The following L3MBTL1 variants were observed in gnomAD, a reference collection of about 807,000 sequenced individuals.
The protein encoded by L3MBTL1 is lethal(3)malignant brain tumor-like protein 1.
A neutral mutation model predicts 105.3 loss-of-function variants in L3MBTL1; 75 were observed. That is an observed-to-expected ratio of 0.71 (90% CI 0.59 to 0.86). The LOEUF (loss-of-function observed/expected upper bound fraction) is 0.86, where lower values mean the gene tolerates loss of function less well. Ranked by LOEUF, L3MBTL1 falls within the 40% of genes least tolerant of loss-of-function variation. L3MBTL1 has a pLI of 0.00. For missense variants in L3MBTL1, 1,069 were observed against 1,126.4 expected, an observed-to-expected ratio of 0.95 and a Z score of 0.73; for synonymous variants, 452 against 436.2, an observed-to-expected ratio of 1.04 and a Z score of -0.45.
intron 20 of L3MBTL1, 49 bp from the exon 21 acceptor site, chr20:43,540,704 C>G: frequency 6.3e-7 from 1 of 1,581,872 alleles, no homozygotes; most frequent in Non-Finnish European, 8.7e-7. Flanking sequence ...GCTCTCCCTA[C>G]ATGCCTAAGC....
In L3MBTL1 at chr20:43,521,357, C is replaced by A. The variant is rs546191935; in HGVS notation, c.862+5180C>A. Reference sequence around the variant, plus strand: ...GCCATTAATTTTTTAATTATCTATACTGAGATAACTGAAAGTATGCTGAAG... The same window carrying A: ...GCCATTAATTTTTTAATTATCTATAATGAGATAACTGAAAGTATGCTGAAG... On this transcript the variant is annotated intron_variant, in intron 7 of 21. Transcript: ENST00000418998. Among the ~76,000 whole-genome samples, 5 of 152,178 alleles carry A rather than the reference C, an allele frequency of 3.3e-5. No homozygotes were observed. In the South Asian group the frequency reaches 1.0e-3, roughly 32 times the overall value.
chr20:43,519,015 G>A lies in L3MBTL1; in HGVS notation c.862+2838G>A, dbSNP rs2018562347. Among the ~76,000 whole-genome samples, 3 of 148,556 alleles carry A rather than the reference G, an allele frequency of 2.0e-5. No homozygotes were observed. The South Asian group carries it at 6.4e-4, about 32-fold the overall frequency. On this transcript the variant is annotated intron_variant, in intron 7 of 21. Coordinates refer to ENST00000418998, the MANE Select transcript of L3MBTL1 (RefSeq NM_001377303.1). ...CACTCCAACCTAGGCAACAGACCAAGACTCTGTCTCAGGGGGAAAAAAAAG... is the reference window on the plus strand; with the variant it reads ...CACTCCAACCTAGGCAACAGACCAAAACTCTGTCTCAGGGGGAAAAAAAAG...
intron 7 of L3MBTL1, 89 bp from the exon 8 acceptor site, chr20:43,528,568 G>C: frequency 1.1e-6 from 1 of 908,276 alleles, no homozygotes; most frequent in Non-Finnish European, 1.8e-6. Context: ...TTGTTTTGGG[G>C]GTGAAGGTAG....
rs200984249 is a variant in L3MBTL1 at position 43,529,389 on chromosome 20, A to G, written c.1056+21A>G. ...CTGAGGTGAGCTGGGGCTTGGTACC[A>G]CCTTTCTGATGATGTCTCTCAGTGC... On this transcript the variant is annotated intron_variant, in intron 9 of 21. Transcript: ENST00000418998. 3.3e-6 allele frequency: 5 copies of G among 1,533,312 alleles called. No individual in the cohort carries two copies. The South Asian group carries it at 5.8e-5, about 18-fold the overall frequency. 95.0% of individuals were successfully genotyped at this position (1,533,312 alleles called of 1,614,324 possible).
intron 18 of L3MBTL1, chr20:43,548,025 CATG>C: frequency 3.2e-6 from 3 of 931,180 alleles, no homozygotes; most frequent in Admixed American, 2.7e-5. Flanking sequence ...CCCCATTCCC[CATG>C]CACACCCCTC....
At chr20:43,521,938 A>G (rs999954830) in intron 7 of L3MBTL1, among the ~76,000 whole-genome samples, 1 of 152,258 alleles carries the variant, frequency 6.6e-6, no homozygotes, top group South Asian at 2.1e-4. Flanking sequence ...TAAGATGAGC[A>G]AAAGAACAGA....
At chr20:43,508,747 A>G (rs955777436) in intron 1 of L3MBTL1, among the ~76,000 whole-genome samples, 8 of 152,230 alleles carry the variant, frequency 5.3e-5, no homozygotes, top group African/African-American at 1.9e-4. Flanking sequence ...GCTCTTGCGA[A>G]TATCACCAGT....
chr20:43,543,308 A>G (rs551075974), downstream of L3MBTL1, among the ~76,000 whole-genome samples: 5 of 152,332 alleles, frequency 3.3e-5, no homozygotes, highest in South Asian at 1.0e-3. Flanking sequence ...ATGAGAAGGC[A>G]GAACCACGTG....
At chr20:43,529,892 C>T (rs1160593093) in intron 9 of L3MBTL1, among the ~76,000 whole-genome samples, 1 of 152,198 alleles carries the variant, frequency 6.6e-6, no homozygotes, top group Non-Finnish European at 1.5e-5. Context: ...CTGCTACCTT[C>T]AAGGAATTGC....
At chr20:43,510,517 G>T (rs1349885282) in intron 1 of L3MBTL1, among the ~76,000 whole-genome samples, 1 of 148,104 alleles carries the variant, frequency 6.8e-6, no homozygotes, top group Non-Finnish European at 1.5e-5. Flanking sequence ...CAATTCTCCT[G>T]CCTCAGCCTC....
chr20:43,532,040 GAAAA>G (rs1032005738), intron 11 of L3MBTL1: 1 of 151,692 alleles, frequency 6.6e-6, no homozygotes, highest in Non-Finnish European at 1.5e-5. Flanking sequence ...TGTGTCTAAA[GAAAA>G]AAAACCATAT....
At position 43,530,667 on chromosome 20, in the gene L3MBTL1, T is replaced by A. The variant is rs1057204921; in HGVS notation, c.1193-131T>A. ...CGTGTCCTGCTTCAGTAGTGGGGAA[T>A]CCCTGGGCAAGTTCTTGAGGGTTGG... is the stretch of plus-strand genomic sequence containing the variant. On this transcript the variant is annotated intron_variant, in intron 10 of 21. Coordinates refer to ENST00000418998, the MANE Select transcript of L3MBTL1 (RefSeq NM_001377303.1). The A allele has an allele frequency of 7.9e-6, 7 of 888,614 alleles. No individual in the cohort carries two copies. The African/African-American group carries it at 8.3e-5, about 11-fold the overall frequency. 55.0% of individuals were successfully genotyped at this position (888,614 alleles called of 1,614,324 possible).
chr20:43,542,976 G>A (rs764539431), downstream of L3MBTL1, among the ~76,000 whole-genome samples: 1 of 152,032 alleles, frequency 6.6e-6, no homozygotes, highest in Non-Finnish European at 1.5e-5. Context: ...TTTTTTGTTA[G>A]CAAAACTTAA....
chr20:43,523,655 G>C (rs1324849752), intron 7 of L3MBTL1: 1 of 190,292 alleles, frequency 5.3e-6, no homozygotes, highest in East Asian at 1.2e-4. Flanking sequence ...GTCTGTACTG[G>C]TCAACAAGAT....
intron 20 of L3MBTL1, 130 bp downstream of exon 20, chr20:43,540,438 G>C: frequency 9.3e-7 from 1 of 1,070,114 alleles, no homozygotes; most frequent in Non-Finnish European, 1.4e-6. Context: ...CATCTGTCCT[G>C]TGCACAGTCC....
downstream of L3MBTL1, among the ~76,000 whole-genome samples, chr20:43,546,640 CTT>C (rs1978619697): frequency 6.6e-6 from 1 of 152,124 alleles, no homozygotes; most frequent in African/African-American, 2.4e-5. Context: ...AGCTCAGTCT[CTT>C]GACCCCCACA....
In L3MBTL1 at chr20:43,541,674, A is replaced by G; in HGVS notation, c.*546A>G. 2 of 287,220 alleles carry G rather than the reference A, an allele frequency of 7.0e-6. No homozygotes were observed. The highest frequency in any genetic ancestry group is 1.3e-4 in the South Asian group (1 of 7,726). 17.8% of individuals were successfully genotyped at this position (287,220 alleles called of 1,614,324 possible). ...CTACTTGATCTGCAATGCCAATATC[A>G]AGGGCCATGTATCAGGTTTCTGTAT... is the stretch of plus-strand genomic sequence containing the variant. On this transcript the variant is annotated 3_prime_UTR_variant, in exon 22 of 22. Coordinates refer to ENST00000418998, the MANE Select transcript of L3MBTL1 (RefSeq NM_001377303.1).
chr20:43,524,619 T>G (rs2018921577), intron 7 of L3MBTL1, among the ~76,000 whole-genome samples: 1 of 152,214 alleles, frequency 6.6e-6, no homozygotes, highest in Non-Finnish European at 1.5e-5. Flanking sequence ...CATCCACTCA[T>G]CCATCCATCC....
intron 9 of L3MBTL1, among the ~76,000 whole-genome samples, 196 bp downstream of exon 9, chr20:43,529,564 G>T (rs952451543): frequency 4.6e-5 from 7 of 152,194 alleles, no homozygotes; most frequent in African/African-American, 1.7e-4. Flanking sequence ...ATTATTGGAT[G>T]AATGTATACT....
Sources: allele counts gnomAD v4.1 joint callset (sites outside exome capture counted in the v4.1 genomes callset), GRCh38; gene constraint gnomAD v4.1.1; transcripts MANE v1.5; gene names NCBI Gene and HGNC (gene_info 2026-07-23, HGNC 2026-07-21).